Variants in BRINP3 observed in about 807,000 individuals in gnomAD.
BRINP3 encodes the protein BMP/retinoic acid-inducible neural-specific protein 3.
BRINP3 carries 19 observed loss-of-function variants against 71.0 expected under a neutral mutation model. The observed-to-expected ratio is 0.27, with a 90% CI of 0.19 to 0.39. The LOEUF (loss-of-function observed/expected upper bound fraction) is 0.39, where lower values mean the gene tolerates loss of function less well. Among genes scored for constraint, BRINP3 ranks in the 10% least tolerant of loss-of-function variants. The pLI, the probability that BRINP3 is intolerant of heterozygous loss-of-function variation, is 1.00. For missense variants in BRINP3, 959 were observed against 940.8 expected (o/e 1.02, Z -0.25); for synonymous variants, 380 against 337.7 (o/e 1.13, Z -1.37).
At chr1:190,364,026 C>G (rs1006556302) in intron 2 of BRINP3, among the ~76,000 whole-genome samples, 2 of 150,524 alleles carry the variant, frequency 1.3e-5, no homozygotes, top group Admixed American at 1.3e-4. Context: ...TTAGAGTACA[C>G]TTTTATGTGA....
chr1:190,230,638 A>G (rs1159592162), intron 5 of BRINP3, among the ~76,000 whole-genome samples: 1 of 151,900 alleles, frequency 6.6e-6, no homozygotes, highest in African/African-American at 2.4e-5. Flanking sequence ...ATATACAAAT[A>G]TAAAAAAAGT....
At chr1:190,440,239 C>T (rs1324676734) in intron 2 of BRINP3, among the ~76,000 whole-genome samples, 1 of 151,556 alleles carries the variant, frequency 6.6e-6, no homozygotes, top group East Asian at 1.9e-4. Flanking sequence ...TTATTTAAAT[C>T]GTTTCTCTTT....
chr1:190,225,228 C>A (rs1175267992), intron 6 of BRINP3, among the ~76,000 whole-genome samples: 2 of 151,926 alleles, frequency 1.3e-5, no homozygotes, highest in African/African-American at 4.8e-5. Flanking sequence ...AATTTAACTG[C>A]CCATCAGTGG....
At chr1:190,397,166 C>A (rs1178823424) in intron 2 of BRINP3, among the ~76,000 whole-genome samples, 1 of 151,856 alleles carries the variant, frequency 6.6e-6, no homozygotes, top group Non-Finnish European at 1.5e-5. Flanking sequence ...CCTTCTTACC[C>A]CTTTGCAGCC....
rs564006237 is a variant in BRINP3, at chr1:190,270,500, C to T, written c.428-5445G>A. Reference sequence around the variant, plus strand: ...CAATTTTTGGAATATATTCTGAAGACGAATAAAGGTACAAAGAATCAATAA... The same window carrying T: ...CAATTTTTGGAATATATTCTGAAGATGAATAAAGGTACAAAGAATCAATAA... On this transcript the variant is annotated intron_variant, in intron 3 of 7. Coordinates refer to ENST00000367462, the MANE Select transcript of BRINP3 (RefSeq NM_199051.3). 2.7e-4 allele frequency among the ~76,000 whole-genome samples: 41 copies of T among 151,550 alleles called. 1 individual carries two copies. In the East Asian group the frequency reaches 3.7e-3, roughly 14 times the overall value.
At chr1:190,473,027 A>G (rs2102717523) in intron 1 of BRINP3, among the ~76,000 whole-genome samples, 1 of 152,052 alleles carries the variant, frequency 6.6e-6, no homozygotes. Flanking sequence ...TGATTAAAAG[A>G]AAATGAAATT....
intron 2 of BRINP3, among the ~76,000 whole-genome samples, chr1:190,407,809 A>C (rs2102392764): frequency 6.6e-6 from 1 of 152,256 alleles, no homozygotes. Flanking sequence ...TAATAAACAA[A>C]AAGTCAATAT....
chr1:190,129,470 T>C (rs193184538), intron 7 of BRINP3, among the ~76,000 whole-genome samples: 1 of 152,054 alleles, frequency 6.6e-6, no homozygotes, highest in East Asian at 1.9e-4. Flanking sequence ...GGGATACTTG[T>C]AATTCATGCA....
At chr1:190,458,602 T>C (rs1676168789) in intron 1 of BRINP3, among the ~76,000 whole-genome samples, 1 of 152,064 alleles carries the variant, frequency 6.6e-6, no homozygotes, top group Non-Finnish European at 1.5e-5. Context: ...TTATTTGGTT[T>C]GGGTTATAAC....
intron 6 of BRINP3, among the ~76,000 whole-genome samples, chr1:190,202,972 C>G (rs954605249): frequency 2.0e-5 from 3 of 152,048 alleles, no homozygotes; most frequent in Non-Finnish European, 4.4e-5. Flanking sequence ...ATGAACAGAT[C>G]CCCTATACTT....
At chr1:190,452,435 G>T (rs1031002195) in intron 2 of BRINP3, among the ~76,000 whole-genome samples, 3 of 152,190 alleles carry the variant, frequency 2.0e-5, no homozygotes, top group Admixed American at 6.5e-5. Context: ...AGGTCTTCAG[G>T]AAGTGAGTTG....
chr1:190,226,170 G>A lies in BRINP3; in HGVS notation c.873C>T (p.Cys291=), dbSNP rs201813720. ...CCATGGCTTGAATGTCCATGGAGGG[G>A]CAGTTGCATTCTGGAAATTTGGGAC... ...HCGPKFPECN[C]PSMDIQAMEE... is the part of the protein sequence containing the mutation. Residue 291 remains cysteine, a synonymous_variant, in exon 6 of 8, where the codon TGC becomes TGT. Coordinates refer to ENST00000367462, the MANE Select transcript of BRINP3 (RefSeq NM_199051.3). 1 of 1,612,520 alleles carries A rather than the reference G, an allele frequency of 6.2e-7. No homozygotes were observed. The highest frequency in any genetic ancestry group is 2.2e-5 in the East Asian group (1 of 44,808).
At chr1:190,223,780 A>G (rs1328863434) in intron 6 of BRINP3, among the ~76,000 whole-genome samples, 1 of 151,868 alleles carries the variant, frequency 6.6e-6, no homozygotes, top group Non-Finnish European at 1.5e-5. Flanking sequence ...AAAAAACCTC[A>G]ATAAAAACAA....
At chr1:190,144,767 T>C (rs1655746239) in intron 7 of BRINP3, among the ~76,000 whole-genome samples, 1 of 152,062 alleles carries the variant, frequency 6.6e-6, no homozygotes. Context: ...TCATCCCCAA[T>C]AACTCTTTGA....
chr1:190,261,871 C>T (rs547898224), intron 4 of BRINP3, among the ~76,000 whole-genome samples: 3 of 152,252 alleles, frequency 2.0e-5, no homozygotes, highest in Admixed American at 1.3e-4. Flanking sequence ...TCAGAGACTA[C>T]AAGAGCACTT....
At chr1:190,178,840 A>G (rs1056422386) in intron 6 of BRINP3, among the ~76,000 whole-genome samples, 1 of 152,158 alleles carries the variant, frequency 6.6e-6, no homozygotes, top group African/African-American at 2.4e-5. Flanking sequence ...GTCAAGAGAA[A>G]TTGAAGAACT....
chr1:190,134,889 G>A (rs1008441703), intron 7 of BRINP3, among the ~76,000 whole-genome samples: 3 of 152,118 alleles, frequency 2.0e-5, no homozygotes, highest in South Asian at 4.1e-4. Flanking sequence ...AACCTCCAGA[G>A]GAGGCTGGGA....
intron 2 of BRINP3, among the ~76,000 whole-genome samples, chr1:190,435,518 G>T (rs1674401155): frequency 6.6e-6 from 1 of 151,730 alleles, no homozygotes; most frequent in Admixed American, 6.6e-5. Context: ...ATATTATTAT[G>T]GTTAGTTGGT....
At chr1:190,473,973 T>A (rs1485904189) in intron 1 of BRINP3, among the ~76,000 whole-genome samples, 18 of 151,924 alleles carry the variant, frequency 1.2e-4, no homozygotes, top group Admixed American at 1.2e-3. Flanking sequence ...TCTCGAGTAG[T>A]CAGAATTAAT....
Sources: allele counts gnomAD v4.1 joint callset (sites outside exome capture counted in the v4.1 genomes callset), GRCh38; gene constraint gnomAD v4.1.1; transcripts MANE v1.5; gene names NCBI Gene and HGNC (gene_info 2026-07-23, HGNC 2026-07-21).